The following LRBA variants were observed in gnomAD, a reference collection of about 807,000 sequenced individuals.
LRBA encodes the protein LPS responsive beige-like anchor protein, also known as lipopolysaccharide-responsive and beige-like anchor protein.
A neutral mutation model predicts 330.0 loss-of-function variants in LRBA; 176 were observed. That is an observed-to-expected ratio of 0.53 (90% confidence interval 0.47 to 0.60). The LOEUF (loss-of-function observed/expected upper bound fraction) is 0.60. LRBA is among the 20% of genes least tolerant of loss of function. The pLI is 0.00. For missense variants in LRBA, 3,259 were observed against 3,444.8 expected, an observed-to-expected ratio of 0.95 and a Z score of 1.35; for synonymous variants, 1,230 against 1,193.0, an observed-to-expected ratio of 1.03 and a Z score of -0.64.
At chr4:150,400,392 A>G (rs1359379161) in intron 47 of LRBA, among the ~76,000 whole-genome samples, 3 of 152,196 alleles carry the variant, frequency 2.0e-5, no homozygotes, top group African/African-American at 4.8e-5. Flanking sequence ...GATGCAGATT[A>G]TATTTCTTCA....
chr4:150,291,541 T>G (rs1452464730), intron 53 of LRBA, among the ~76,000 whole-genome samples: 1 of 39,690 alleles, frequency 2.5e-5, no homozygotes, highest in Admixed American at 3.0e-4. Context: ...TCACACCAGT[T>G]AGAATGGCAA....
intron 37 of LRBA, among the ~76,000 whole-genome samples, chr4:150,600,201 G>GTT (rs1258602250): frequency 6.6e-6 from 1 of 151,994 alleles, no homozygotes; most frequent in Non-Finnish European, 1.5e-5. Context: ...AGGAACACCT[G>GTT]TAAGTTTCAA....
intron 2 of LRBA, among the ~76,000 whole-genome samples, chr4:150,944,304 T>C (rs1003505656): frequency 6.6e-6 from 1 of 152,260 alleles, no homozygotes. Flanking sequence ...TCCTGTATCA[T>C]AAATTTTTTA....
At chr4:150,764,459 G>A (rs1280478176) in intron 34 of LRBA, among the ~76,000 whole-genome samples, 1 of 151,922 alleles carries the variant, frequency 6.6e-6, no homozygotes, top group Non-Finnish European at 1.5e-5. Flanking sequence ...AGGATACAAG[G>A]TTAATATACA....
At chr4:150,366,062 C>T (rs1422153499) in intron 47 of LRBA, among the ~76,000 whole-genome samples, 1 of 152,068 alleles carries the variant, frequency 6.6e-6, no homozygotes, top group Non-Finnish European at 1.5e-5. Flanking sequence ...ATGTATAGCA[C>T]AAACATTATT....
At chr4:150,762,152 G>C (rs903082857) in intron 34 of LRBA, among the ~76,000 whole-genome samples, 2 of 151,766 alleles carry the variant, frequency 1.3e-5, no homozygotes, top group Admixed American at 6.6e-5. Flanking sequence ...AGAAAACCAA[G>C]GACAAATAGA....
At chr4:150,288,328 C>T (rs759838863) in intron 53 of LRBA, among the ~76,000 whole-genome samples, 34 of 151,634 alleles carry the variant, frequency 2.2e-4, no homozygotes, top group Non-Finnish European at 4.0e-4. Flanking sequence ...AAGTTATTGG[C>T]CGGGCGCAAT....
At chr4:150,885,418 C>T (rs1320903815) in intron 17 of LRBA, among the ~76,000 whole-genome samples, 1 of 151,990 alleles carries the variant, frequency 6.6e-6, no homozygotes, top group South Asian at 2.1e-4. Flanking sequence ...GCCAGGCATT[C>T]GAGACCAGCC....
At chr4:150,803,655 C>T (rs1218749980) in intron 33 of LRBA, among the ~76,000 whole-genome samples, 1 of 152,082 alleles carries the variant, frequency 6.6e-6, no homozygotes, top group Non-Finnish European at 1.5e-5. Flanking sequence ...CTTTTTAAAT[C>T]CTTTCTGTTT....
chr4:150,989,783 G>GT (rs1741865929), intron 2 of LRBA, among the ~76,000 whole-genome samples: 1 of 150,694 alleles, frequency 6.6e-6, no homozygotes. Context: ...GGTAAAGGGG[G>GT]TAAAAAAAAA....
Position 150,471,752 on chromosome 4 carries a change from G to C in LRBA, c.6552-13C>G, listed in dbSNP as rs140629626. 9.8e-6 allele frequency: 11 copies of C among 1,126,396 alleles called. No individual in the cohort carries two copies. The highest frequency in any genetic ancestry group is 7.6e-5 in the Admixed American group (4 of 52,902). The allele number at this position is 1,126,396 out of a possible 1,614,324, so 69.8% of individuals were successfully genotyped here. On this transcript the variant is annotated splice_polypyrimidine_tract_variant and intron_variant, in intron 42 of 56. Transcript: ENST00000651943. The stretch of plus-strand genomic sequence containing the variant: ...TAATGAAATACGTCTGCAAGAAAAA[G>C]AATTCAATGTGATATGATTAATTAT...
chr4:150,744,664 T>C (rs752332142), intron 35 of LRBA, among the ~76,000 whole-genome samples: 2 of 152,190 alleles, frequency 1.3e-5, no homozygotes, highest in African/African-American at 2.4e-5. Context: ...CATTATATTT[T>C]AGTTGGGGAA....
Position 150,277,890 on chromosome 4 carries a change from C to A in LRBA, c.8431G>T (p.Ala2811Ser), listed in dbSNP as rs781586380. ...GACAGCGCCATGGCCCGGATTCCAG[C>A]GTCACATCCTGGATAGGCAAAGAGC... The part of the protein sequence containing the change: ...KQLFAYPGCD[A>S]GIRAMALSYD... Residue 2811 changes from alanine (A) to serine (S), a missense_variant, in exon 56 of 57, where the codon GCT becomes TCT. Transcript: ENST00000651943. The A allele has an allele frequency of 1.6e-5, 26 of 1,614,096 alleles. No homozygotes were observed. The Middle Eastern group carries it at 1.3e-3, about 82-fold the overall frequency.
chr4:150,370,659 A>G (rs1030275899), intron 47 of LRBA, among the ~76,000 whole-genome samples: 2 of 152,340 alleles, frequency 1.3e-5, no homozygotes, highest in African/African-American at 4.8e-5. Context: ...TATAAACCAA[A>G]GACTTTAGTT....
In LRBA at chr4:150,843,800, A is replaced by G. The variant is rs138884353; in HGVS notation, c.4569+300T>C. Among the ~76,000 whole-genome samples, 45 of 152,324 alleles carry G rather than the reference A, an allele frequency of 3.0e-4. No homozygotes were observed. The East Asian group carries it at 7.1e-3, about 24-fold the overall frequency. ...ATTCATCTATAAAATGGAAATTACA[A>G]TAGTACAGCTCAATAAGTTGTTGGA... On this transcript the variant is annotated intron_variant, in intron 28 of 56. Transcript: ENST00000651943.
intron 39 of LRBA, among the ~76,000 whole-genome samples, chr4:150,589,087 C>T (rs934351064): frequency 5.8e-5 from 8 of 138,694 alleles, no homozygotes; most frequent in Non-Finnish European, 1.1e-4. Flanking sequence ...AGAGAGAGAT[C>T]GACGTAGAAA....
At chr4:150,492,307 T>C (rs1759061917) in intron 40 of LRBA, among the ~76,000 whole-genome samples, 1 of 152,088 alleles carries the variant, frequency 6.6e-6, no homozygotes, top group South Asian at 2.1e-4. Flanking sequence ...AGGGAGAGTG[T>C]TTCTTGAAAA....
At chr4:150,976,639 A>G (rs568911591) in intron 2 of LRBA, among the ~76,000 whole-genome samples, 21 of 152,348 alleles carry the variant, frequency 1.4e-4, no homozygotes, top group African/African-American at 4.8e-4. Context: ...CAGAAACAAC[A>G]AATTTAACAA....
chr4:150,658,210 G>C (rs761069488), intron 37 of LRBA, among the ~76,000 whole-genome samples: 1 of 151,820 alleles, frequency 6.6e-6, no homozygotes, highest in Non-Finnish European at 1.5e-5. Context: ...CCCTTCTTTT[G>C]ATACTGATCA....
Sources: allele counts gnomAD v4.1 joint callset (sites outside exome capture counted in the v4.1 genomes callset), GRCh38; gene constraint gnomAD v4.1.1; transcripts MANE v1.5; gene names NCBI Gene and HGNC (gene_info 2026-07-23, HGNC 2026-07-21).